Variants in RCOR1 observed in about 807,000 individuals in gnomAD.
RCOR1 encodes REST corepressor.
In RCOR1, 12 loss-of-function variants were observed where a neutral mutation model predicts 64.0. The observed-to-expected ratio is 0.19, with a 90% CI of 0.12 to 0.30. The LOEUF (loss-of-function observed/expected upper bound fraction) is 0.30. Ranked by LOEUF, RCOR1 falls within the 10% of genes least tolerant of loss-of-function variation. RCOR1 has a pLI of 1.00. For missense variants in RCOR1, 502 were observed against 621.2 expected, an observed-to-expected ratio of 0.81 and a Z score of 2.04; for synonymous variants, 279 against 227.2, an observed-to-expected ratio of 1.23 and a Z score of -2.05.
intron 2 of RCOR1, chr14:102,651,025 C>CT (rs1894577381): frequency 2.1e-6 from 2 of 965,696 alleles, no homozygotes; most frequent in Non-Finnish European, 2.5e-6. Context: ...ATTTAAAACA[C>CT]TAACTCCTAA....
At chr14:102,710,734 G>T (rs1415214280) in intron 6 of RCOR1, 7 of 548,730 alleles carry the variant, frequency 1.3e-5, no homozygotes, top group African/African-American at 3.9e-5. Context: ...TAGACTGAAA[G>T]AACTATGGAG....
At chr14:102,712,686 A>G (rs904216108) in intron 7 of RCOR1, among the ~76,000 whole-genome samples, 1 of 117,554 alleles carries the variant, frequency 8.5e-6, no homozygotes, top group African/African-American at 3.3e-5. Context: ...TTTTGGTTGT[A>G]TATCACCAAA....
chr14:102,625,525 G>A (rs1004620525), intron 2 of RCOR1, among the ~76,000 whole-genome samples: 18 of 150,690 alleles, frequency 1.2e-4, no homozygotes, highest in Non-Finnish European at 2.1e-4. Context: ...ATGAGCAACC[G>A]CGCCTGGCTT....
chr14:102,643,427 C>A, intron 2 of RCOR1: 1 of 508,072 alleles, frequency 2.0e-6, no homozygotes, highest in Non-Finnish European at 2.5e-6. Flanking sequence ...AGAGATGTCA[C>A]TAATGTTTTA....
chr14:102,597,097 TC>T (rs1472189453), intron 2 of RCOR1, among the ~76,000 whole-genome samples: 2 of 151,784 alleles, frequency 1.3e-5, no homozygotes, highest in Non-Finnish European at 2.9e-5. Flanking sequence ...GGTCTTGAAC[TC>T]CTGACCTCAG....
chr14:102,644,045 C>T (rs1031287370), intron 2 of RCOR1, among the ~76,000 whole-genome samples: 7 of 152,158 alleles, frequency 4.6e-5, no homozygotes, highest in Non-Finnish European at 7.3e-5. Context: ...AGGAAGACAT[C>T]AGTTGGGCAG....
At chr14:102,634,651 T>C (rs1326663666) in intron 2 of RCOR1, among the ~76,000 whole-genome samples, 1 of 143,542 alleles carries the variant, frequency 7.0e-6, no homozygotes, top group Non-Finnish European at 1.5e-5. Flanking sequence ...TATATATATA[T>C]GTATATATAT....
At position 102,708,483 on chromosome 14, in the gene RCOR1, G is replaced by A. The variant is rs767102529; in HGVS notation, c.679G>A (p.Ala227Thr). 2 of 1,565,494 alleles carry A rather than the reference G, an allele frequency of 1.3e-6. No homozygotes were observed. Among genetic ancestry groups the A allele is most frequent in the Non-Finnish European group, 1.8e-6 (2 of 1,136,326 alleles). Residue 227 changes from alanine (A) to threonine (T), a missense_variant, in exon 6 of 12, where the codon GCA (alanine) becomes ACA (threonine). Around this residue, in one of 2 missense-constraint regions of RCOR1, gnomAD observed 260 missense variants for 416.4 expected, o/e 0.62. Coordinates refer to ENST00000262241, the MANE Select transcript of RCOR1 (RefSeq NM_015156.4). ...TGTTTAGCTTCCAGATAAATCTATA[G>A]CAAGTCTGGTGAAATTTTACTATTC... ...IQQMLPDKSI[A>T]SLVKFYYSWK...
In RCOR1 at chr14:102,672,377, T is replaced by C. The variant is rs1053999819; in HGVS notation, c.362-9518T>C. Among the ~76,000 whole-genome samples, 20 of 151,220 alleles carry C rather than the reference T, an allele frequency of 1.3e-4. 3 individuals carry two copies. The highest frequency in any genetic ancestry group is 1.1e-3 in the Admixed American group (16 of 15,152). ...GGCGCCCGCCACCACACCCAGCTAA[T>C]TTTTTTTTGTATTTTTAGTAGAGAC... On this transcript the variant is annotated intron_variant, in intron 2 of 11. Transcript: ENST00000262241.
chr14:102,706,138 A>AAAC (rs1482129437), intron 4 of RCOR1, among the ~76,000 whole-genome samples: 1 of 150,154 alleles, frequency 6.7e-6, no homozygotes, highest in African/African-American at 2.5e-5. Flanking sequence ...AAAAAAAAAA[A>AAAC]AAAACCTAAA....
rs1462596556 is a variant in RCOR1 at position 102,729,606 on chromosome 14, G to T, written c.*3100G>T. ...AAAGGTAGTTAGTTGGGTTGTAACA[G>T]CTTACTGGGGTGGACTCATAAAACA... is the stretch of plus-strand genomic sequence containing the variant. On this transcript the variant is annotated 3_prime_UTR_variant, in exon 12 of 12. Transcript: ENST00000262241. 4 of 369,064 alleles carry T rather than the reference G, an allele frequency of 1.1e-5. No individual in the cohort carries two copies. Among genetic ancestry groups the T allele is most frequent in the Non-Finnish European group, 1.9e-5 (4 of 207,692 alleles). The allele number at this position is 369,064 out of a possible 1,614,324, so 22.9% of individuals were successfully genotyped here. A position where few individuals can be genotyped will look rare whatever the true frequency, so the allele number is the denominator to read the frequency against.
At chr14:102,610,102 C>G (rs1263411253) in intron 2 of RCOR1, among the ~76,000 whole-genome samples, 2 of 151,278 alleles carry the variant, frequency 1.3e-5, no homozygotes, top group African/African-American at 4.9e-5. Context: ...TGCGCTCCAG[C>G]CTGGGCAACA....
At position 102,639,502 on chromosome 14, in the gene RCOR1, TTTA is replaced by T. The variant is rs1595207850; in HGVS notation, c.362-42390_362-42388del. Among the ~76,000 whole-genome samples, 144 of 24,378 alleles carry T rather than the reference TTTA, an allele frequency of 5.9e-3. 1 individual carries two copies. The highest frequency in any genetic ancestry group is 5.8e-3 in the Non-Finnish European group (64 of 11,028). The allele number at this position is 24,378 out of a possible 152,430, so 16.0% of individuals were successfully genotyped here. ...TAATTAATTTATTTTTTAATTTTTA[TTTA>T]TTTATTTATTTATTTATTTATTTAT... On this transcript the variant is annotated intron_variant, in intron 2 of 11. Transcript: ENST00000262241.
At chr14:102,633,364 T>G (rs552648020) in intron 2 of RCOR1, among the ~76,000 whole-genome samples, 1 of 152,098 alleles carries the variant, frequency 6.6e-6, no homozygotes, top group African/African-American at 2.4e-5. Context: ...TTAAAAAAAT[T>G]TTTATATAGA....
intron 2 of RCOR1, among the ~76,000 whole-genome samples, chr14:102,653,322 G>T (rs1894630868): frequency 6.6e-6 from 1 of 152,160 alleles, no homozygotes; most frequent in Non-Finnish European, 1.5e-5. Context: ...GGGCTCAATC[G>T]ATCCTCCCAC....
intron 2 of RCOR1, among the ~76,000 whole-genome samples, chr14:102,605,401 ATAC>A (rs1215108872): frequency 6.6e-6 from 1 of 152,220 alleles, no homozygotes. Context: ...ACTGAAGGCT[ATAC>A]ATACAGTCAT....
At chr14:102,675,456 A>G (rs1895126157) in intron 2 of RCOR1, among the ~76,000 whole-genome samples, 2 of 152,196 alleles carry the variant, frequency 1.3e-5, no homozygotes, top group African/African-American at 4.8e-5. Context: ...CATCGCCAAT[A>G]CTTTGGGGCT....
chr14:102,608,495 C>T (rs1158761603), intron 2 of RCOR1, among the ~76,000 whole-genome samples: 2 of 152,120 alleles, frequency 1.3e-5, no homozygotes, highest in South Asian at 2.1e-4. Flanking sequence ...AGGGCAGTGG[C>T]GTGATCTCAA....
chr14:102,596,867 C>T (rs188783027), intron 2 of RCOR1, among the ~76,000 whole-genome samples: 177 of 126,726 alleles, frequency 1.4e-3, no homozygotes, highest in Non-Finnish European at 2.3e-3. Flanking sequence ...GACTGCCCCT[C>T]CCCCCGCCTT....
Sources: gnomAD v4.1 joint callset for allele counts (sites outside exome capture counted in the v4.1 genomes callset) on GRCh38, gnomAD v4.1.1 for gene constraint, gnomAD v4.1.1 regional missense constraint, MANE v1.5 for transcripts, NCBI Gene and HGNC (gene_info 2026-07-23, HGNC 2026-07-21) for gene names.